Variants in DCHS2 observed in about 807,000 individuals in gnomAD.
DCHS2 encodes protocadherin-23.
A neutral mutation model predicts 182.4 loss-of-function variants in DCHS2; 142 were observed. The ratio of observed to expected loss-of-function variants is 0.78; its 90% CI spans 0.68 to 0.89. The LOEUF (loss-of-function observed/expected upper bound fraction) is 0.89. Ranked by LOEUF, DCHS2 falls within the 40% of genes least tolerant of loss-of-function variation. The pLI, the probability that DCHS2 is intolerant of heterozygous loss-of-function variation, is 0.00. For synonymous variants in DCHS2, 1,740 were observed against 1,663.3 expected (o/e 1.05, Z -1.12); for missense variants, 4,319 against 4,198.6 (o/e 1.03, Z -0.79).
Position 154,397,778 on chromosome 4 carries a change from C to T in DCHS2, c.2053-20334G>A, listed in dbSNP as rs1012720463. 2.6e-5 allele frequency among the ~76,000 whole-genome samples: 4 copies of T among 152,146 alleles called. No individual in the cohort carries two copies. In the East Asian group the frequency reaches 5.8e-4, roughly 22 times the overall value. On this transcript the variant is annotated intron_variant, in intron 1 of 19. Coordinates refer to ENST00000357232, the MANE Select transcript of DCHS2 (RefSeq NM_001358235.2). ...AGATTTCCCATTTGTCAATGAATTC[C>T]GAAGGGCTCCTTTCAGAGCAACAGC...
intron 5 of DCHS2, among the ~76,000 whole-genome samples, chr4:154,330,035 C>T (rs549021875): frequency 6.6e-6 from 1 of 152,210 alleles, no homozygotes; most frequent in East Asian, 1.9e-4. Context: ...GCTGCTTATC[C>T]CTCTTTATGC....
intron 1 of DCHS2, among the ~76,000 whole-genome samples, chr4:154,419,010 G>A (rs1163119504): frequency 6.6e-6 from 1 of 152,232 alleles, no homozygotes; most frequent in Non-Finnish European, 1.5e-5. Context: ...ATGTGTATGT[G>A]TGCATGTGGG....
rs60257274 is a variant in DCHS2 at position 154,271,614 on chromosome 4, G to C, written c.6464-1601C>G. On this transcript the variant is annotated intron_variant, in intron 13 of 19. Coordinates refer to ENST00000357232, the MANE Select transcript of DCHS2 (RefSeq NM_001358235.2). ...TCTACAGCAGCCGGAAGGGTCCCAA[G>C]TATTCATTTGGTCCCCAAGTTAGTA... Among the ~76,000 whole-genome samples the C allele has an allele frequency of 9.6e-3, 1,456 of 152,236 alleles. 24 individuals carry two copies. Among genetic ancestry groups the C allele is most frequent in the African/African-American group, 0.032 (1,321 of 41,552 alleles).
At chr4:154,250,446 C>A (rs1469777332) in intron 16 of DCHS2, among the ~76,000 whole-genome samples, 1 of 152,052 alleles carries the variant, frequency 6.6e-6, no homozygotes, top group Non-Finnish European at 1.5e-5. Flanking sequence ...AGTGAAGACC[C>A]CTACCCTGAG....
At chr4:154,341,464 T>C (rs979581691) in intron 3 of DCHS2, among the ~76,000 whole-genome samples, 3 of 152,158 alleles carry the variant, frequency 2.0e-5, no homozygotes, top group Admixed American at 6.5e-5. Context: ...AATCTCAGTT[T>C]TCCGCTAGGT....
chr4:154,329,764 G>A (rs758371831), intron 5 of DCHS2, 54 bp from the exon 6 acceptor site: 226 of 1,468,778 alleles, frequency 1.5e-4, no homozygotes, highest in Non-Finnish European at 2.0e-4. Flanking sequence ...GGCGCACCAG[G>A]GCCAGAACCA....
chr4:154,302,531 A>G (rs1359015247), intron 12 of DCHS2, among the ~76,000 whole-genome samples: 3 of 152,070 alleles, frequency 2.0e-5, no homozygotes, highest in African/African-American at 4.8e-5. Flanking sequence ...TGGCTCCTCT[A>G]TCACCTTTGC....
chr4:154,322,437 G>A lies in DCHS2; in HGVS notation c.4070C>T (p.Thr1357Ile), dbSNP rs774337569. Residue 1357 changes from threonine (T) to isoleucine (I), a missense_variant, in exon 8 of 20, where the codon ACA becomes ATA. Physicochemically the swap from Thr to Ile is moderately conservative, Grantham distance 89 (BLOSUM62 -1). Coordinates refer to ENST00000357232, the MANE Select transcript of DCHS2 (RefSeq NM_001358235.2). The part of the protein sequence containing the change: ...KIDANNGEIR[T>I]TTILSYDYRP... ...ATAATCATACGAAAGTATTGTGGTT[G>A]TTCTTATTTCACCATTGTTGGCGTC... is the stretch of plus-strand genomic sequence containing the variant. 1 of 1,613,638 alleles carries A rather than the reference G, an allele frequency of 6.2e-7. No homozygotes were observed. Among genetic ancestry groups the A allele is most frequent in the Non-Finnish European group, 8.5e-7 (1 of 1,179,764 alleles).
chr4:154,458,011 C>T (rs1734844788), intron 1 of DCHS2, among the ~76,000 whole-genome samples: 1 of 152,114 alleles, frequency 6.6e-6, no homozygotes, highest in Non-Finnish European at 1.5e-5. Flanking sequence ...AATCTTCAGT[C>T]ATATACAGAA....
chr4:154,443,837 T>C (rs1734137984), intron 1 of DCHS2, among the ~76,000 whole-genome samples: 1 of 152,188 alleles, frequency 6.6e-6, no homozygotes, highest in Non-Finnish European at 1.5e-5. Flanking sequence ...GAGGAGTGTC[T>C]TCTTCTCTTT....
intron 9 of DCHS2, among the ~76,000 whole-genome samples, chr4:154,319,261 G>A (rs1317856616): frequency 6.6e-6 from 1 of 151,996 alleles, no homozygotes; most frequent in Non-Finnish European, 1.5e-5. Context: ...AAACACAGAG[G>A]GGAAAGCTTT....
At chr4:154,368,305 C>A (rs1199720201) in intron 2 of DCHS2, among the ~76,000 whole-genome samples, 7 of 152,138 alleles carry the variant, frequency 4.6e-5, no homozygotes, top group Admixed American at 4.6e-4. Context: ...TTTGCTTTCC[C>A]TTTTCCTTTC....
chr4:154,295,621 A>G (rs1344960950), intron 13 of DCHS2, among the ~76,000 whole-genome samples: 1 of 152,232 alleles, frequency 6.6e-6, no homozygotes, highest in African/African-American at 2.4e-5. Context: ...TCTGGTGAGA[A>G]TTTATACCCA....
At chr4:154,444,402 C>G (rs1009224898) in intron 1 of DCHS2, among the ~76,000 whole-genome samples, 1 of 152,122 alleles carries the variant, frequency 6.6e-6, no homozygotes, top group African/African-American at 2.4e-5. Flanking sequence ...TTCATTCACC[C>G]TATTACTCAG....
intron 15 of DCHS2, among the ~76,000 whole-genome samples, chr4:154,256,373 G>A (rs184194121): frequency 2.2e-4 from 33 of 152,146 alleles, no homozygotes; most frequent in Admixed American, 3.9e-4. Flanking sequence ...GGGCTCAAGC[G>A]ATCCACCTGC....
intron 1 of DCHS2, among the ~76,000 whole-genome samples, chr4:154,470,986 T>G (rs993518148): frequency 6.6e-6 from 1 of 152,188 alleles, no homozygotes; most frequent in Non-Finnish European, 1.5e-5. Context: ...TTTCTGCAGT[T>G]GCACTACAGA....
intron 1 of DCHS2, among the ~76,000 whole-genome samples, chr4:154,417,200 TGTGTGAGAGAGAGAGA>T (rs1198428162): frequency 0.032 from 1,518 of 47,920 alleles, 30 homozygotes; most frequent in Middle Eastern, 0.071. Flanking sequence ...TGTGTGTGTG[TGTGTGAGAGAGAGAGA>T]GAGAGAGAGA....
chr4:154,233,248 C>T lies in DCHS2; in HGVS notation c.*1288G>A, dbSNP rs920546166. On this transcript the variant is annotated 3_prime_UTR_variant, in exon 20 of 20. Coordinates refer to ENST00000357232, the MANE Select transcript of DCHS2 (RefSeq NM_001358235.2). ...CCACCATCGTCAGGATGCTGTCCAC[C>T]TTCCTGAAAGGGATGAGAATCTGTG... is the stretch of plus-strand genomic sequence containing the variant. 3.3e-5 allele frequency: 5 copies of T among 152,142 alleles called. No homozygotes were observed. The highest frequency in any genetic ancestry group is 7.3e-5 in the Non-Finnish European group (5 of 68,028). The allele number at this position is 152,142 out of a possible 1,614,324, so 9.4% of individuals were successfully genotyped here.
intron 1 of DCHS2, among the ~76,000 whole-genome samples, chr4:154,444,649 A>G (rs1734191795): frequency 6.6e-6 from 1 of 151,974 alleles, no homozygotes; most frequent in Non-Finnish European, 1.5e-5. Context: ...CACCCTCACA[A>G]CACCATCCCA....
Sources: allele counts gnomAD v4.1 joint callset (sites outside exome capture counted in the v4.1 genomes callset), GRCh38; gene constraint gnomAD v4.1.1; transcripts MANE v1.5; gene names NCBI Gene and HGNC (gene_info 2026-07-23, HGNC 2026-07-21).